KCNH7: variants seen among roughly 807,000 people sequenced by gnomAD.
KCNH7 encodes the protein potassium voltage-gated channel subfamily H member 7, also known as voltage-gated inwardly rectifying potassium channel KCNH7.
Under a neutral mutation model 120.8 loss-of-function variants are expected in KCNH7, and 49 were observed. That is an observed-to-expected ratio of 0.41 (90% CI 0.32 to 0.51). KCNH7 has a LOEUF of 0.51. KCNH7 is among the 20% of genes least tolerant of loss of function. KCNH7 has a pLI of 0.38. For synonymous variants in KCNH7, 547 were observed against 516.1 expected (o/e 1.06, Z -0.81); for missense variants, 1,097 against 1,446.6 (o/e 0.76, Z 3.92).
chr2:162,531,250 A>G (rs1691914420), intron 3 of KCNH7, among the ~76,000 whole-genome samples: 1 of 151,972 alleles, frequency 6.6e-6, no homozygotes. Flanking sequence ...TACTGTAAAG[A>G]CTATCTTCCA....
rs189813478 is a variant in KCNH7, at chr2:162,393,538, A to G, written c.2710+851T>C. Among the ~76,000 whole-genome samples, 251 of 152,084 alleles carry G rather than the reference A, an allele frequency of 1.7e-3. 2 individuals are homozygous for G. The highest frequency in any genetic ancestry group is 3.2e-3 in the Non-Finnish European group (220 of 67,946). ...TTATCTTCAGGGAGTTCATGAAGGTAGGAGGAAAATAGGAAGATTGAAGTA... is the reference window on the plus strand; with the variant it reads ...TTATCTTCAGGGAGTTCATGAAGGTGGGAGGAAAATAGGAAGATTGAAGTA... On this transcript the variant is annotated intron_variant, in intron 12 of 15. Coordinates refer to ENST00000332142, the MANE Select transcript of KCNH7 (RefSeq NM_033272.4).
chr2:162,702,322 C>A (rs974465840), intron 2 of KCNH7, among the ~76,000 whole-genome samples: 1 of 152,098 alleles, frequency 6.6e-6, no homozygotes, highest in Non-Finnish European at 1.5e-5. Context: ...GAGGCTATTA[C>A]ACCATATTAT....
At chr2:162,406,390 G>T (rs1687224556) in intron 9 of KCNH7, among the ~76,000 whole-genome samples, 1 of 151,920 alleles carries the variant, frequency 6.6e-6, no homozygotes, top group Non-Finnish European at 1.5e-5. Flanking sequence ...ATAGTTGCAG[G>T]GGGTAGCATT....
chr2:162,655,663 C>T (rs941971967), intron 2 of KCNH7, among the ~76,000 whole-genome samples: 3 of 151,890 alleles, frequency 2.0e-5, no homozygotes, highest in Admixed American at 6.6e-5. Flanking sequence ...CGTGGTGGCG[C>T]GCGCTTGTAG....
At chr2:162,741,360 G>A (rs1191880414) in intron 2 of KCNH7, among the ~76,000 whole-genome samples, 2 of 149,140 alleles carry the variant, frequency 1.3e-5, no homozygotes, top group African/African-American at 4.9e-5. Flanking sequence ...TTAATAACAT[G>A]CTATTTTCAT....
intron 2 of KCNH7, among the ~76,000 whole-genome samples, chr2:162,769,506 G>A (rs780140866): frequency 1.3e-5 from 2 of 151,890 alleles, no homozygotes; most frequent in Non-Finnish European, 2.9e-5. Context: ...TACTGCTATT[G>A]CAACCGGCTT....
intron 2 of KCNH7, among the ~76,000 whole-genome samples, chr2:162,640,405 C>T (rs1684110522): frequency 6.6e-6 from 1 of 151,826 alleles, no homozygotes; most frequent in Non-Finnish European, 1.5e-5. Context: ...CATAAATATG[C>T]CTGCCTATTT....
At chr2:162,771,393 A>C (rs997877850) in intron 2 of KCNH7, among the ~76,000 whole-genome samples, 2 of 152,010 alleles carry the variant, frequency 1.3e-5, no homozygotes, top group African/African-American at 4.8e-5. Context: ...TCCTTTGTGT[A>C]GGTTTCCTCT....
intron 3 of KCNH7, among the ~76,000 whole-genome samples, chr2:162,529,678 C>T (rs1373849643): frequency 3.3e-5 from 5 of 151,910 alleles, no homozygotes; most frequent in Non-Finnish European, 7.4e-5. Context: ...CCATTTTTCA[C>T]ATATATTCTA....
chr2:162,666,503 C>A (rs796170774), intron 2 of KCNH7, among the ~76,000 whole-genome samples: 19 of 152,200 alleles, frequency 1.2e-4, no homozygotes, highest in African/African-American at 4.1e-4. Context: ...AAAACTTGAT[C>A]TCTCCTGAGA....
intron 2 of KCNH7, among the ~76,000 whole-genome samples, chr2:162,729,161 A>ATTT (rs1203109189): frequency 1.4e-3 from 188 of 137,334 alleles, no homozygotes; most frequent in East Asian, 0.011. Flanking sequence ...AATATACCCA[A>ATTT]ATTTTTTTTT....
At chr2:162,525,269 A>T (rs1691660870) in intron 3 of KCNH7, among the ~76,000 whole-genome samples, 1 of 152,006 alleles carries the variant, frequency 6.6e-6, no homozygotes, top group Non-Finnish European at 1.5e-5. Context: ...GGTTGGAGGA[A>T]GTCAGTGCTG....
chr2:162,539,138 G>A (rs1255940792), intron 2 of KCNH7, among the ~76,000 whole-genome samples: 1 of 152,006 alleles, frequency 6.6e-6, no homozygotes, highest in African/African-American at 2.4e-5. Flanking sequence ...GATGACTTTA[G>A]TAAACAGAAA....
intron 2 of KCNH7, among the ~76,000 whole-genome samples, chr2:162,630,372 G>T (rs554886160): frequency 6.6e-6 from 1 of 151,976 alleles, no homozygotes; most frequent in Admixed American, 6.6e-5. Context: ...TCTAGGAAAA[G>T]ATATGGAGTT....
At chr2:162,607,248 A>C (rs1190910109) in intron 2 of KCNH7, among the ~76,000 whole-genome samples, 2 of 149,956 alleles carry the variant, frequency 1.3e-5, no homozygotes, top group Non-Finnish European at 3.0e-5. Flanking sequence ...AAAATAGCCG[A>C]GCATGGTGCT....
At chr2:162,771,956 T>A (rs1434169508) in intron 2 of KCNH7, 2 of 152,168 alleles carry the variant, frequency 1.3e-5, no homozygotes, top group East Asian at 3.8e-4. Context: ...GAGTGAGGTA[T>A]TTATCTGAGG....
intron 2 of KCNH7, among the ~76,000 whole-genome samples, chr2:162,566,263 T>C (rs79511048): frequency 0.016 from 2,492 of 152,188 alleles, 75 homozygotes; most frequent in East Asian, 0.11. Context: ...GACACTTACC[T>C]GGGCTTAACA....
chr2:162,417,066 A>T (rs1004314784), intron 9 of KCNH7, among the ~76,000 whole-genome samples: 11 of 152,190 alleles, frequency 7.2e-5, no homozygotes, highest in African/African-American at 2.7e-4. Context: ...TTCACTTTTA[A>T]AAAAACAATG....
intron 2 of KCNH7, among the ~76,000 whole-genome samples, chr2:162,689,438 C>A (rs1329393066): frequency 6.6e-6 from 1 of 152,048 alleles, no homozygotes; most frequent in Non-Finnish European, 1.5e-5. Flanking sequence ...AGGCATGAGC[C>A]ACCTTGCCCA....
Sources: gnomAD v4.1 joint callset for allele counts (sites outside exome capture counted in the v4.1 genomes callset) on GRCh38, gnomAD v4.1.1 for gene constraint, MANE v1.5 for transcripts, NCBI Gene and HGNC (gene_info 2026-07-23, HGNC 2026-07-21) for gene names.